Variants in SPRY3 observed in about 807,000 individuals in gnomAD.
SPRY3 encodes the protein protein sprouty homolog 3.
SPRY3 carries 15 observed loss-of-function variants against 20.2 expected under a neutral mutation model. That is an observed-to-expected ratio of 0.74 (90% CI 0.50 to 1.14). The LOEUF (loss-of-function observed/expected upper bound fraction) is 1.14. SPRY3 is among the 50% of genes most tolerant of loss of function. The probability of loss-of-function intolerance (pLI) is 0.00; values close to 1 mark genes in which losing one functional copy is unlikely to be tolerated. For synonymous variants in SPRY3, 143 were observed against 136.5 expected (o/e 1.05, Z -0.33); for missense variants, 364 against 363.9 (o/e 1.00, Z 0.00).
rs3067500 is a variant in SPRY3 at position 155,654,686 on chromosome X, G to GGT, written c.-440-2134_-440-2133dup. On this transcript the variant is annotated intron_variant, in intron 1 of 3. Coordinates refer to ENST00000675360, the Ensembl canonical transcript of SPRY3. ...TTCTTATGGCTGCATAGTATTCCAT[G>GGT]GTGTGTGTGTGTGTGTGTGTGTGTG... is the stretch of plus-strand genomic sequence containing the variant. Among the ~76,000 whole-genome samples the GGT allele has an allele frequency of 4.1e-3, 351 of 85,949 alleles. 2 individuals are homozygous for GGT. The highest frequency in any genetic ancestry group is 0.011 in the African/African-American group (255 of 23,420). 74.6% of individuals were successfully genotyped at this position (85,949 alleles called of 115,157 possible). A position where few individuals can be genotyped will look rare whatever the true frequency, so the allele number is the denominator to read the frequency against.
chrX:155,641,885 A>T (rs1388160530), intron 1 of SPRY3, among the ~76,000 whole-genome samples: 1 of 114,764 alleles, frequency 8.7e-6, no homozygotes, highest in African/African-American at 3.2e-5. Context: ...GGACACAGGG[A>T]AGCTTACAGC....
chrX:155,622,877 CAATT>C (rs1306999573), intron 1 of SPRY3, among the ~76,000 whole-genome samples: 3 of 112,020 alleles, frequency 2.7e-5, no homozygotes, highest in Middle Eastern at 4.2e-3. Flanking sequence ...TAAGGGGTCT[CAATT>C]AAACCACTGC....
intron 2 of SPRY3, among the ~76,000 whole-genome samples, chrX:155,765,586 G>A (rs979829307): frequency 1.3e-5 from 2 of 152,254 alleles, no homozygotes; most frequent in South Asian, 2.1e-4. Context: ...CCCATAGCAG[G>A]CATGGTTGAA....
chrX:155,782,116 A>G, exon 2 of SPRY3: 1 of 167,136 alleles, frequency 6.0e-6, no homozygotes, highest in Non-Finnish European at 1.5e-5. Context: ...AAGGTCAAAA[A>G]AGGACGTGTC....
intron 1 of SPRY3, among the ~76,000 whole-genome samples, chrX:155,624,517 C>CT (rs782592674): frequency 1.2e-4 from 12 of 102,294 alleles, no homozygotes; most frequent in African/African-American, 3.9e-4. Context: ...ATTTATCTAT[C>CT]ATCTATCTAT....
intron 2 of SPRY3, among the ~76,000 whole-genome samples, chrX:155,754,837 T>G (rs2091277674): frequency 6.6e-6 from 1 of 152,054 alleles, no homozygotes; most frequent in South Asian, 2.1e-4. Context: ...TTTATTCTTT[T>G]AGATGCTATT....
chrX:155,651,689 T>C (rs1480196575), intron 1 of SPRY3, among the ~76,000 whole-genome samples: 7 of 111,935 alleles, frequency 6.3e-5, no homozygotes, highest in Non-Finnish European at 1.1e-4. Context: ...TTATGTATCA[T>C]GCTTTTAACA....
intron 2 of SPRY3, among the ~76,000 whole-genome samples, chrX:155,733,685 C>A (rs2091149769): frequency 6.6e-6 from 1 of 152,048 alleles, no homozygotes; most frequent in Admixed American, 6.6e-5. Flanking sequence ...ATTGACTTCT[C>A]TCTAGCTATG....
chrX:155,762,726 G>C (rs1270011055), intron 2 of SPRY3, among the ~76,000 whole-genome samples: 1 of 152,176 alleles, frequency 6.6e-6, no homozygotes, highest in Non-Finnish European at 1.5e-5. Context: ...CAAGGCTGCA[G>C]ATAAAAGAGT....
At chrX:155,723,724 T>G (rs1478804699) in intron 2 of SPRY3, among the ~76,000 whole-genome samples, 1 of 152,172 alleles carries the variant, frequency 6.6e-6, no homozygotes, top group Non-Finnish European at 1.5e-5. Flanking sequence ...TTTCTCCCAT[T>G]CTCTAGGTTG....
exon 4 of SPRY3, chrX:155,774,064 A>G (rs2091403486): frequency 3.1e-6 from 5 of 1,613,902 alleles, no homozygotes; most frequent in Non-Finnish European, 4.2e-6. Context: ...TCTCCCCCGC[A>G]GTCTCAGCCA....
intron 1 of SPRY3, among the ~76,000 whole-genome samples, chrX:155,632,706 A>G (rs1187078291): frequency 8.9e-6 from 1 of 112,429 alleles, no homozygotes; most frequent in Non-Finnish European, 1.9e-5. Context: ...GTCACATTCT[A>G]TTGGTCAAAG....
At chrX:155,742,254 AC>A (rs1370012504) in intron 2 of SPRY3, among the ~76,000 whole-genome samples, 1 of 152,202 alleles carries the variant, frequency 6.6e-6, no homozygotes. Flanking sequence ...AAAGGGCATT[AC>A]ATAATGGTAA....
intron 2 of SPRY3, among the ~76,000 whole-genome samples, chrX:155,679,994 G>C (rs1035944927): frequency 1.8e-5 from 2 of 110,399 alleles, no homozygotes; most frequent in African/African-American, 6.6e-5. Flanking sequence ...TAGAAAGTGC[G>C]GCTAGAAAGT....
At chrX:155,670,107 G>A (rs1266975688) in intron 2 of SPRY3, among the ~76,000 whole-genome samples, 1 of 111,295 alleles carries the variant, frequency 9.0e-6, no homozygotes, top group African/African-American at 3.3e-5. Flanking sequence ...TGATGGCTAC[G>A]GGAGCAAAAG....
At chrX:155,778,302 T>G (rs184914934), downstream of SPRY3, 223 of 167,154 alleles carry the variant, frequency 1.3e-3, no homozygotes, top group African/African-American at 5.1e-3. Context: ...ATAAGTATCT[T>G]GCTATGTTAA....
chrX:155,681,686 T>C (rs2068074558), intron 2 of SPRY3, among the ~76,000 whole-genome samples: 1 of 112,423 alleles, frequency 8.9e-6, no homozygotes, highest in African/African-American at 3.2e-5. Flanking sequence ...CTTATATTAC[T>C]CATCTGGAGA....
At chrX:155,683,672 G>A (rs745767571) in intron 2 of SPRY3, among the ~76,000 whole-genome samples, 30 of 111,644 alleles carry the variant, frequency 2.7e-4, no homozygotes, top group Non-Finnish European at 4.9e-4. Context: ...TTGTATTAAA[G>A]TGGCAGTTGG....
At chrX:155,753,626 T>C (rs1183222759) in intron 2 of SPRY3, among the ~76,000 whole-genome samples, 4 of 151,982 alleles carry the variant, frequency 2.6e-5, no homozygotes, top group Non-Finnish European at 5.9e-5. Flanking sequence ...GATAACTTCA[T>C]GTTTAACATT....
Sources: gnomAD v4.1 joint callset for allele counts (sites outside exome capture counted in the v4.1 genomes callset) on GRCh38, gnomAD v4.1.1 for gene constraint, MANE v1.5 for transcripts, NCBI Gene and HGNC (gene_info 2026-07-23, HGNC 2026-07-21) for gene names.